The following MTAP variants were observed in gnomAD, a reference collection of about 807,000 sequenced individuals.
MTAP encodes the protein methylthioadenosine phosphorylase.
A neutral mutation model predicts 33.6 loss-of-function variants in MTAP; 33 were observed. The observed-to-expected ratio is 0.98, with a 90% confidence interval of 0.74 to 1.31. MTAP has a LOEUF of 1.31. Ranked by LOEUF, MTAP falls within the 40% of genes most tolerant of loss-of-function variation. MTAP has a pLI of 0.00. For synonymous variants in MTAP, 148 were observed against 125.7 expected (o/e 1.18, Z -1.19); for missense variants, 367 against 360.0 (o/e 1.02, Z -0.16).
intron 1 of MTAP, among the ~76,000 whole-genome samples, chr9:21,809,883 C>T (rs1387028673): frequency 2.6e-5 from 4 of 152,192 alleles, no homozygotes; most frequent in African/African-American, 9.7e-5. Flanking sequence ...AGAGCTCTAA[C>T]AAAGTATGCA....
downstream of MTAP, among the ~76,000 whole-genome samples, chr9:21,867,538 A>G (rs1489732869): frequency 6.6e-6 from 1 of 151,808 alleles, no homozygotes; most frequent in East Asian, 1.9e-4. Context: ...TCCCCTTTAT[A>G]TAATGCTGGA....
At chr9:21,904,812 T>A (rs1818448901) in intron 1 of MTAP, among the ~76,000 whole-genome samples, 1 of 152,234 alleles carries the variant, frequency 6.6e-6, no homozygotes, top group African/African-American at 2.4e-5. Context: ...TGTAATTTTA[T>A]GGTGGAAAAT....
chr9:21,867,909 T>A (rs1434934225), downstream of MTAP, among the ~76,000 whole-genome samples: 1 of 152,146 alleles, frequency 6.6e-6, no homozygotes, highest in Non-Finnish European at 1.5e-5. Flanking sequence ...CTAAGGTACA[T>A]CAATTCAAAT....
chr9:21,906,689 A>G (rs890278742), intron 1 of MTAP, among the ~76,000 whole-genome samples: 1 of 152,230 alleles, frequency 6.6e-6, no homozygotes, highest in African/African-American at 2.4e-5. Flanking sequence ...TCCAAGCTGG[A>G]GGAATGAAAT....
intron 1 of MTAP, among the ~76,000 whole-genome samples, chr9:21,878,863 T>C (rs528598871): frequency 6.6e-6 from 1 of 152,366 alleles, no homozygotes; most frequent in African/African-American, 2.4e-5. Flanking sequence ...AATTGCATGG[T>C]TTTGAGCAAT....
chr9:21,865,116 G>T lies in MTAP; in HGVS notation c.*3102G>T. On this transcript the variant is annotated 3_prime_UTR_variant, in exon 8 of 8. Coordinates refer to ENST00000644715, the MANE Select transcript of MTAP (RefSeq NM_002451.4). ...CCCCACCCAAATCTCATGTTGAATTGTAGTTCCCATAATCCCCACATGTTG... is the reference window on the plus strand; with the variant it reads ...CCCCACCCAAATCTCATGTTGAATTTTAGTTCCCATAATCCCCACATGTTG... 2 of 983,406 alleles carry T rather than the reference G, an allele frequency of 2.0e-6. No homozygotes were observed. The highest frequency in any genetic ancestry group is 2.4e-6 in the Non-Finnish European group (2 of 828,134). 60.9% of individuals were successfully genotyped at this position (983,406 alleles called of 1,614,324 possible). A position where few individuals can be genotyped will look rare whatever the true frequency, so the allele number is the denominator to read the frequency against.
intron 6 of MTAP, chr9:21,856,184 A>G: frequency 1.0e-6 from 1 of 985,394 alleles, no homozygotes; most frequent in Non-Finnish European, 1.2e-6. Flanking sequence ...CTTTTGAAGT[A>G]AGGAAAACAT....
chr9:21,812,949 T>C (rs1469138047), intron 1 of MTAP, among the ~76,000 whole-genome samples: 1 of 152,232 alleles, frequency 6.6e-6, no homozygotes, highest in Non-Finnish European at 1.5e-5. Flanking sequence ...TAACATTCTA[T>C]AGGGCCCATC....
chr9:21,912,002 C>T (rs1349536706), intron 1 of MTAP, among the ~76,000 whole-genome samples: 1 of 152,168 alleles, frequency 6.6e-6, no homozygotes, highest in Non-Finnish European at 1.5e-5. Context: ...ACTATAAACA[C>T]CTCTACGCAA....
At chr9:21,857,522 G>A (rs1825668294) in intron 6 of MTAP, among the ~76,000 whole-genome samples, 1 of 152,186 alleles carries the variant, frequency 6.6e-6, no homozygotes, top group African/African-American at 2.4e-5. Flanking sequence ...AGGAAGGCAT[G>A]TCAAGTACTC....
At chr9:21,844,524 A>G (rs1279212755) in intron 5 of MTAP, among the ~76,000 whole-genome samples, 1 of 152,228 alleles carries the variant, frequency 6.6e-6, no homozygotes, top group Non-Finnish European at 1.5e-5. Context: ...GAAAAAGATA[A>G]TACACCATGG....
At chr9:21,840,099 A>C (rs773725538) in intron 5 of MTAP, among the ~76,000 whole-genome samples, 2 of 151,970 alleles carry the variant, frequency 1.3e-5, no homozygotes, top group Admixed American at 6.5e-5. Flanking sequence ...GGTGGCAGGC[A>C]CCTATAGTCC....
In MTAP at chr9:21,864,845, C is replaced by T. The variant is rs1317775336; in HGVS notation, c.*2831C>T. ...GGCATCCACAGGATGCTCCTGGAGC[C>T]TCTTCTCTGGCTGCTACCTCAGGGC... On this transcript the variant is annotated 3_prime_UTR_variant, in exon 8 of 8. Transcript: ENST00000644715. 6 of 985,364 alleles carry T rather than the reference C, an allele frequency of 6.1e-6. No homozygotes were observed. The highest frequency in any genetic ancestry group is 6.0e-6 in the Non-Finnish European group (5 of 829,966). The allele number at this position is 985,364 out of a possible 1,614,324, so 61.0% of individuals were successfully genotyped here.
At chr9:21,874,859 G>C (rs1290755088) in intron 1 of MTAP, among the ~76,000 whole-genome samples, 4 of 151,924 alleles carry the variant, frequency 2.6e-5, no homozygotes, top group Admixed American at 1.3e-4. Flanking sequence ...CCCACACCCT[G>C]ACAGGCCCCG....
At position 21,836,448 on chromosome 9, in the gene MTAP, G is replaced by A. The variant is rs570071261; in HGVS notation, c.348-1460G>A. 5.9e-5 allele frequency among the ~76,000 whole-genome samples: 9 copies of A among 152,248 alleles called. No individual in the cohort carries two copies. The South Asian group carries it at 1.7e-3, about 28-fold the overall frequency. The stretch of plus-strand genomic sequence containing the variant: ...AGATGGGCAGAGGTAGATGAAATGC[G>A]GGTGTTATGGTGTGGAAGTCAGTTG... On this transcript the variant is annotated intron_variant, in intron 4 of 7. Transcript: ENST00000644715.
At chr9:21,839,291 A>G (rs1467794328) in intron 5 of MTAP, among the ~76,000 whole-genome samples, 1 of 152,030 alleles carries the variant, frequency 6.6e-6, no homozygotes. Flanking sequence ...TGAAGCACAG[A>G]TCTGTCCACA....
chr9:21,918,008 T>C lies in MTAP; in HGVS notation c.148-13000T>C, dbSNP rs2131027878. Among the ~76,000 whole-genome samples, 3 of 152,338 alleles carry C rather than the reference T, an allele frequency of 2.0e-5. No individual in the cohort carries two copies. In the South Asian group the frequency reaches 6.2e-4, roughly 32 times the overall value. The stretch of plus-strand genomic sequence containing the variant: ...CTCAGGAATGGAAAACCCAATATTG[T>C]ATGTTTTCACTTACAAGTGGAACTT... On this transcript the variant is annotated intron_variant, in intron 1 of 1. Transcript: ENST00000577563.
intron 5 of MTAP, among the ~76,000 whole-genome samples, chr9:21,844,527 C>G (rs760635385): frequency 6.6e-6 from 1 of 152,166 alleles, no homozygotes; most frequent in African/African-American, 2.4e-5. Context: ...AAAGATAATA[C>G]ACCATGGTCA....
At chr9:21,883,324 C>T (rs1333480198) in intron 1 of MTAP, among the ~76,000 whole-genome samples, 3 of 152,042 alleles carry the variant, frequency 2.0e-5, no homozygotes, top group Non-Finnish European at 2.9e-5. Context: ...TAAAACACCA[C>T]AATGAGATAC....
Sources: gnomAD v4.1 joint callset for allele counts (sites outside exome capture counted in the v4.1 genomes callset) on GRCh38, gnomAD v4.1.1 for gene constraint, MANE v1.5 for transcripts, NCBI Gene and HGNC (gene_info 2026-07-23, HGNC 2026-07-21) for gene names.